Variants in MYO5B observed in about 807,000 individuals in gnomAD.
The protein encoded by MYO5B is unconventional myosin-Vb.
A neutral mutation model predicts 229.3 loss-of-function variants in MYO5B; 143 were observed. The ratio of observed to expected loss-of-function variants is 0.62; its 90% CI spans 0.54 to 0.72. MYO5B has a LOEUF of 0.72. MYO5B is among the 30% of genes least tolerant of loss of function. The pLI, the probability that MYO5B is intolerant of heterozygous loss-of-function variation, is 0.00. For synonymous variants in MYO5B, 918 were observed against 885.2 expected (o/e 1.04, Z -0.66); for missense variants, 2,321 against 2,331.0 (o/e 1.00, Z 0.09).
chr18:49,953,890 ATATATGTGTGTG>A (rs1266936925), intron 13 of MYO5B, among the ~76,000 whole-genome samples: 2 of 91,582 alleles, frequency 2.2e-5, no homozygotes, highest in Non-Finnish European at 2.4e-5. Flanking sequence ...TTATATATAC[ATATATGTGTGTG>A]TGTGTGTGTG....
chr18:49,987,075 CT>C (rs1338054806), intron 7 of MYO5B, among the ~76,000 whole-genome samples: 5 of 152,144 alleles, frequency 3.3e-5, no homozygotes, highest in Non-Finnish European at 7.4e-5. Flanking sequence ...TTTCGAAGAC[CT>C]TTCATTGTCA....
At chr18:49,835,530 G>C in intron 38 of MYO5B, 106 bp from the exon 39 acceptor site, 1 of 776,792 alleles carries the variant, frequency 1.3e-6, no homozygotes, top group Admixed American at 1.8e-5. Context: ...ATCCTCTTTA[G>C]ACAAGGCCCA....
At chr18:50,058,533 G>A (rs1026053712) in intron 1 of MYO5B, among the ~76,000 whole-genome samples, 25 of 151,728 alleles carry the variant, frequency 1.6e-4, no homozygotes, top group South Asian at 6.2e-4. Context: ...ACAGTAGGCC[G>A]GGCACAGTGG....
intron 1 of MYO5B, among the ~76,000 whole-genome samples, chr18:50,092,948 A>AAAAG (rs2144490803): frequency 6.6e-6 from 1 of 152,354 alleles, no homozygotes; most frequent in East Asian, 1.9e-4. Flanking sequence ...ATTCTCTTTT[A>AAAAG]AAAGACTCCG....
chr18:50,113,022 G>A (rs940433736), intron 1 of MYO5B, among the ~76,000 whole-genome samples: 8 of 151,968 alleles, frequency 5.3e-5, no homozygotes, highest in Non-Finnish European at 8.8e-5. Flanking sequence ...TATAAATAAC[G>A]CACAATTAGA....
intron 18 of MYO5B, among the ~76,000 whole-genome samples, chr18:49,910,786 T>C (rs923665199): frequency 3.3e-5 from 5 of 152,190 alleles, no homozygotes; most frequent in African/African-American, 7.2e-5. Context: ...CTACTCCAGA[T>C]GGATAGATTT....
intron 1 of MYO5B, among the ~76,000 whole-genome samples, chr18:50,143,509 A>G (rs1463628218): frequency 1.3e-5 from 2 of 152,150 alleles, no homozygotes; most frequent in Non-Finnish European, 2.9e-5. Flanking sequence ...CAGCCACAGG[A>G]TGGGGCATTA....
At chr18:50,178,054 G>A (rs192612567) in intron 1 of MYO5B, among the ~76,000 whole-genome samples, 25 of 152,134 alleles carry the variant, frequency 1.6e-4, no homozygotes, top group African/African-American at 3.6e-4. Context: ...TTTTACACCC[G>A]GCACCATGCT....
intron 2 of MYO5B, among the ~76,000 whole-genome samples, chr18:50,043,310 T>TATA (rs2030085587): frequency 2.0e-5 from 2 of 97,930 alleles, no homozygotes; most frequent in South Asian, 5.9e-4. Flanking sequence ...ATATATAATA[T>TATA]AAATATATAA....
intron 1 of MYO5B, among the ~76,000 whole-genome samples, chr18:50,131,173 T>C (rs768688536): frequency 6.6e-6 from 1 of 152,338 alleles, no homozygotes; most frequent in Non-Finnish European, 1.5e-5. Context: ...TAGTCATTAA[T>C]TGCATGGAAT....
At chr18:50,093,900 C>T (rs8086129) in intron 1 of MYO5B, among the ~76,000 whole-genome samples, 12,699 of 152,180 alleles carry the variant, frequency 0.083, 920 homozygotes, top group African/African-American at 0.2. Flanking sequence ...CTGGGAATTG[C>T]CCACCCCTTT....
Position 49,849,603 on chromosome 18 carries a change from G to T in MYO5B, c.4279C>A (p.Leu1427Met). The T allele has an allele frequency of 6.2e-7, 1 of 1,613,542 alleles. No homozygotes were observed. Among genetic ancestry groups the T allele is most frequent in the South Asian group, 1.1e-5 (1 of 91,030 alleles). Reference sequence around the variant, plus strand: ...TGGGCTTTCTTCATGTAAATCTTCAGTTGCTTTTTGAGCTTCCTCTCATTC... The same window carrying T: ...TGGGCTTTCTTCATGTAAATCTTCATTTGCTTTTTGAGCTTCCTCTCATTC... Reference protein sequence around the residue: ...EKNERKLKKQLKIYMKKAQDL... With the variant: ...EKNERKLKKQMKIYMKKAQDL... The change falls in exon 32 of 40, where the codon CTG becomes ATG. Residue 1427 changes from leucine to methionine, a missense_variant. Leu to Met is a conservative substitution (Grantham distance 15, BLOSUM62 2). Around this residue, in one of 2 missense-constraint regions of MYO5B, gnomAD observed 2,113 missense variants for 2,044.7 expected, o/e 1.03. Coordinates refer to ENST00000285039, the MANE Select transcript of MYO5B (RefSeq NM_001080467.3).
At chr18:49,990,373 C>T (rs1598935358) in intron 7 of MYO5B, 66 bp downstream of exon 7, 1 of 1,367,952 alleles carries the variant, frequency 7.3e-7, no homozygotes, top group South Asian at 1.2e-5. Flanking sequence ...TGAGCAGAGC[C>T]CCCAGCTGTG....
rs2024558056 is a variant in MYO5B, at chr18:49,879,057, A to AGGG, written c.3163_3164insCCC (p.Asn1054_Leu1055insPro). 1 of 1,613,814 alleles carries AGGG rather than the reference A, an allele frequency of 6.2e-7. No homozygotes were observed. Among genetic ancestry groups the AGGG allele is most frequent in the East Asian group, 2.2e-5 (1 of 44,850 alleles). ...CTCCTCCTCCAGTTCTTTCTTCATG[A>AGGG]GATTTTCCTTCACAGAGTTCTGGGC... On this transcript the variant is annotated inframe_insertion, in exon 24 of 40. Transcript: ENST00000285039.
intron 14 of MYO5B, among the ~76,000 whole-genome samples, chr18:49,940,941 T>C (rs1568039612): frequency 6.6e-6 from 1 of 152,188 alleles, no homozygotes; most frequent in African/African-American, 2.4e-5. Context: ...AAAAATTAGT[T>C]CCTCTTACCT....
chr18:50,183,731 A>G (rs1009303070), intron 1 of MYO5B, among the ~76,000 whole-genome samples: 1 of 150,820 alleles, frequency 6.6e-6, no homozygotes, highest in Admixed American at 6.6e-5. Context: ...TTTGATCCCC[A>G]ATGTGGCGGG....
chr18:49,831,526 C>A (rs2023921727), intron 39 of MYO5B, among the ~76,000 whole-genome samples: 1 of 152,114 alleles, frequency 6.6e-6, no homozygotes, highest in African/African-American at 2.4e-5. Context: ...TGCTAGTCAT[C>A]AGAGAGATAC....
intron 17 of MYO5B, among the ~76,000 whole-genome samples, chr18:49,917,105 C>T (rs939804366): frequency 6.6e-6 from 1 of 152,132 alleles, no homozygotes; most frequent in Non-Finnish European, 1.5e-5. Context: ...TAGCTATTTC[C>T]GAGTCCACTG....
chr18:50,052,469 A>G (rs2030420862), intron 2 of MYO5B, among the ~76,000 whole-genome samples: 2 of 147,554 alleles, frequency 1.4e-5, no homozygotes, highest in African/African-American at 5.0e-5. Context: ...AAAACCAAAC[A>G]CCGCATGTTC....
Sources: gnomAD v4.1 joint callset for allele counts (sites outside exome capture counted in the v4.1 genomes callset) on GRCh38, gnomAD v4.1.1 for gene constraint, gnomAD v4.1.1 regional missense constraint, MANE v1.5 for transcripts, NCBI Gene and HGNC (gene_info 2026-07-23, HGNC 2026-07-21) for gene names.